FBN3: variants seen among roughly 807,000 people sequenced by gnomAD.
The protein encoded by FBN3 is fibrillin 3.
FBN3 carries 234 observed loss-of-function variants against 330.1 expected under a neutral mutation model. That is an observed-to-expected ratio of 0.71 (90% confidence interval 0.64 to 0.79). The LOEUF is 0.79. Ranked by LOEUF, FBN3 falls within the 30% of genes least tolerant of loss-of-function variation. FBN3 has a pLI of 0.00. For synonymous variants in FBN3, 1,458 were observed against 1,517.3 expected (o/e 0.96, Z 0.91); for missense variants, 3,606 against 3,886.9 (o/e 0.93, Z 1.92).
Position 8,109,730 on chromosome 19 carries a change from C to T in FBN3, c.4357G>A (p.Val1453Ile). 1 of 1,536,324 alleles carries T rather than the reference C, an allele frequency of 6.5e-7. No homozygotes were observed. The highest frequency in any genetic ancestry group is 2.3e-5 in the East Asian group (1 of 44,010). Residue 1453 changes from valine (V) to isoleucine (I), a missense_variant, in exon 35 of 64, where the codon GTA becomes ATA. Val to Ile is a conservative substitution (Grantham distance 29). Transcript: ENST00000600128. The surrounding 1 kb of genome is among the most constrained non-coding windows in gnomAD (Gnocchi z 5.2). ...ATGCACACGCCGTTGATGCAGTTTA[C>T]TGGGTCTGCACACTCGTTGATGTCT... The part of the protein sequence containing the change: ...CTDINECADP[V>I]NCINGVCINT...
At chr19:8,110,723 C>G in intron 34 of FBN3, 122 bp downstream of exon 34, 1 of 1,350,428 alleles carries the variant, frequency 7.4e-7, no homozygotes. Context: ...CCCCCCACCC[C>G]CCAGCAAGAC....
chr19:8,076,611 T>C (rs2081648180), intron 59 of FBN3, among the ~76,000 whole-genome samples: 1 of 152,118 alleles, frequency 6.6e-6, no homozygotes. Flanking sequence ...TGCACTCCAG[T>C]CTGGGTGACT....
rs1371059383 is a variant in FBN3, at chr19:8,129,322, G to A, written c.2088C>T (p.Gly696=). The A allele has an allele frequency of 1.6e-5, 26 of 1,613,986 alleles. No individual in the cohort carries two copies. Among genetic ancestry groups the A allele is most frequent in the Non-Finnish European group, 2.0e-5 (24 of 1,180,028 alleles). Residue 696 remains glycine (G), a synonymous_variant, in exon 17 of 64, where the codon GGC becomes GGT. Transcript: ENST00000600128. This position sits in a 1 kb window ranked among gnomAD's most constrained non-coding sequence, Gnocchi z 4.5. The part of the protein sequence containing the change: ...CALDPEVCAN[G]VCENLRGSYR... ...AGCTGCCCCGAAGGTTCTCGCACAC[G>A]CCATTGGCACAAACCTCAGGATCCA... is the stretch of plus-strand genomic sequence containing the variant.
At chr19:8,110,202 T>G (rs1454477066) in intron 34 of FBN3, among the ~76,000 whole-genome samples, 2 of 152,094 alleles carry the variant, frequency 1.3e-5, no homozygotes, top group African/African-American at 4.8e-5. Context: ...ACTACAGGTG[T>G]GCACCACAAT....
At chr19:8,090,674 G>A (rs2082078035) in intron 48 of FBN3, among the ~76,000 whole-genome samples, 1 of 151,794 alleles carries the variant, frequency 6.6e-6, no homozygotes, top group African/African-American at 2.4e-5. Context: ...AGTAGAGACG[G>A]GGTTTCACCA....
chr19:8,125,370 C>T (rs1052563784), intron 22 of FBN3, among the ~76,000 whole-genome samples: 3 of 151,822 alleles, frequency 2.0e-5, no homozygotes, highest in South Asian at 2.1e-4. Flanking sequence ...GATGAGATTG[C>T]GCCACTGCAC....
At chr19:8,077,009 C>A (rs997299098) in intron 59 of FBN3, among the ~76,000 whole-genome samples, 1 of 152,192 alleles carries the variant, frequency 6.6e-6, no homozygotes, top group Non-Finnish European at 1.5e-5. Context: ...AGAGATCCTC[C>A]CAACTCAGCC....
chr19:8,107,558 A>AGGAT lies in FBN3; in HGVS notation c.4687+608_4687+611dup, dbSNP rs542932788. Among the ~76,000 whole-genome samples the AGGAT allele has an allele frequency of 1.1e-3, 154 of 145,012 alleles. No individual in the cohort carries two copies. The East Asian group carries it at 0.022, about 21-fold the overall frequency. ...ATGAATGGATGGATGGTCGGGTGGAAGGATGGATGGATGGATGGATGGATG... is the reference window on the plus strand; with the variant it reads ...ATGAATGGATGGATGGTCGGGTGGAAGGATGGATGGATGGATGGATGGATGGATG... On this transcript the variant is annotated intron_variant, in intron 37 of 63. Coordinates refer to ENST00000600128, the MANE Select transcript of FBN3 (RefSeq NM_032447.5).
intron 63 of FBN3, among the ~76,000 whole-genome samples, chr19:8,070,918 C>T (rs112459760): frequency 3.3e-5 from 5 of 151,388 alleles, no homozygotes; most frequent in South Asian, 2.1e-4. Context: ...GCTACTCGGG[C>T]GGCTGAGGCA....
intron 59 of FBN3, 34 bp downstream of exon 59, chr19:8,080,969 G>A (rs114018302): frequency 6.9e-7 from 1 of 1,445,774 alleles, no homozygotes; most frequent in Non-Finnish European, 9.7e-7. Context: ...TGGGGTCATG[G>A]GTCACCTCCC....
intron 59 of FBN3, among the ~76,000 whole-genome samples, chr19:8,078,435 G>A (rs2081694418): frequency 6.6e-6 from 1 of 152,162 alleles, no homozygotes; most frequent in Non-Finnish European, 1.5e-5. Flanking sequence ...ATCAAGTTGA[G>A]CCTCACACCA....
At chr19:8,139,860 G>C (rs1021694612) in intron 8 of FBN3, among the ~76,000 whole-genome samples, 2 of 151,898 alleles carry the variant, frequency 1.3e-5, no homozygotes, top group African/African-American at 4.8e-5. Flanking sequence ...CAGCAGCTGG[G>C]AGGGCCACTG....
At position 8,066,316 on chromosome 19, in the gene FBN3, G is replaced by A. The variant is rs1431336173; in HGVS notation, c.8089-56C>T. On this transcript the variant is annotated intron_variant, in intron 63 of 63. Transcript: ENST00000600128. ...GCCCAGGAGAATCGGGATGTGGTGT[G>A]GGTAGGGGGTCCTCGGATTGTGGCC... 3.1e-6 allele frequency: 4 copies of A among 1,286,118 alleles called. No individual in the cohort carries two copies. In the African/African-American group the frequency reaches 6.0e-5, roughly 19 times the overall value. 79.7% of individuals were successfully genotyped at this position (1,286,118 alleles called of 1,614,324 possible).
rs1037088660 is a variant in FBN3 at position 8,126,940 on chromosome 19, C to A, written c.2297-108G>T. The A allele has an allele frequency of 5.4e-6, 7 of 1,303,698 alleles. No homozygotes were observed. In the African/African-American group the frequency reaches 1.0e-4, roughly 19 times the overall value. 80.8% of individuals were successfully genotyped at this position (1,303,698 alleles called of 1,614,324 possible). A position where few individuals can be genotyped will look rare whatever the true frequency, so the allele number is the denominator to read the frequency against. ...GCCGCAACCGGTGGCACGGGGTGCA[C>A]CCAGATGCACAAGCATGCAGAGGGC... On this transcript the variant is annotated intron_variant, in intron 18 of 63. Transcript: ENST00000600128.
rs1275225018 is a variant in FBN3 at position 8,102,647 on chromosome 19, C to G, written c.5089+77G>C. 18 of 1,433,256 alleles carry G rather than the reference C, an allele frequency of 1.3e-5. No homozygotes were observed. In the African/African-American group the frequency reaches 2.2e-4, roughly 18 times the overall value. The allele number at this position is 1,433,256 out of a possible 1,614,324, so 88.8% of individuals were successfully genotyped here. A position where few individuals can be genotyped will look rare whatever the true frequency, so the allele number is the denominator to read the frequency against. On this transcript the variant is annotated intron_variant, in intron 40 of 63. Coordinates refer to ENST00000600128, the MANE Select transcript of FBN3 (RefSeq NM_032447.5). ...GAACAAGGAGGATTAATCTAAGAAC[C>G]CTAAGGGCACTGTGTTTCCTTAACC...
chr19:8,111,010 G>T (rs1329541183), intron 33 of FBN3, 43 bp from the exon 34 acceptor site: 2 of 1,613,832 alleles, frequency 1.2e-6, no homozygotes, highest in African/African-American at 2.7e-5. Context: ...AGAGTCTGCA[G>T]GGGGGACCTA....
In FBN3 at chr19:8,091,670, G is replaced by A. The variant is rs1002754573; in HGVS notation, c.5906-80C>T. 20 of 1,517,064 alleles carry A rather than the reference G, an allele frequency of 1.3e-5. 1 individual carries two copies. The African/African-American group carries it at 2.7e-4, about 21-fold the overall frequency. 94.0% of individuals were successfully genotyped at this position (1,517,064 alleles called of 1,614,324 possible). A position where few individuals can be genotyped will look rare whatever the true frequency, so the allele number is the denominator to read the frequency against. On this transcript the variant is annotated intron_variant, in intron 47 of 63. Coordinates refer to ENST00000600128, the MANE Select transcript of FBN3 (RefSeq NM_032447.5). ...GGGAGAGGACTCAGCTGTGAGAAGG[G>A]ACAGATGGAGTGCAGGTCCAGCCAG...
chr19:8,131,126 A>C lies in FBN3; in HGVS notation c.2044+109T>G. The C allele has an allele frequency of 1.0e-6, 1 of 986,612 alleles. No individual in the cohort carries two copies. The allele number at this position is 986,612 out of a possible 1,614,324, so 61.1% of individuals were successfully genotyped here. On this transcript the variant is annotated intron_variant, in intron 16 of 63. Coordinates refer to ENST00000600128, the MANE Select transcript of FBN3 (RefSeq NM_032447.5). This position sits in a 1 kb window ranked among gnomAD's most constrained non-coding sequence, Gnocchi z 4.5. ...TTGTTGAAGCCGTCTGGTCTGGGGC[A>C]CTTTGTTACGGGAACCCCGGGCCAA...
chr19:8,067,406 G>A (rs1259818018), intron 63 of FBN3, among the ~76,000 whole-genome samples: 4 of 152,294 alleles, frequency 2.6e-5, no homozygotes, highest in African/African-American at 4.8e-5. Context: ...GATTACAGGC[G>A]TGAGCCATTG....
Sources: allele counts gnomAD v4.1 joint callset (sites outside exome capture counted in the v4.1 genomes callset), GRCh38; gene constraint gnomAD v4.1.1; non-coding constraint Gnocchi (gnomAD v3.1); transcripts MANE v1.5; gene names NCBI Gene and HGNC (gene_info 2026-07-23, HGNC 2026-07-21).